Variants in BET1 observed in about 807,000 individuals in gnomAD.
The protein encoded by BET1 is Bet1 golgi vesicular membrane trafficking protein, also known as BET1 homolog.
BET1 carries 9 observed loss-of-function variants against 13.9 expected under a neutral mutation model. That is an observed-to-expected ratio of 0.65 (90% CI 0.39 to 1.13). BET1 has a LOEUF of 1.13. Ranked by LOEUF, BET1 falls within the 50% of genes most tolerant of loss-of-function variation. The probability of loss-of-function intolerance (pLI) is 0.01; values close to 1 mark genes in which losing one functional copy is unlikely to be tolerated. For missense variants in BET1, 127 were observed against 133.6 expected, an observed-to-expected ratio of 0.95 and a Z score of 0.24; for synonymous variants, 39 against 47.3, an observed-to-expected ratio of 0.82 and a Z score of 0.72.
At chr7:93,976,745 T>C (rs1222163038) in intron 4 of BET1, among the ~76,000 whole-genome samples, 2 of 152,168 alleles carry the variant, frequency 1.3e-5, no homozygotes, top group East Asian at 3.9e-4. Context: ...AGTCTTTTAG[T>C]GGTGATTTCT....
At chr7:93,981,620 T>C (rs562051406) in intron 4 of BET1, among the ~76,000 whole-genome samples, 49 of 152,328 alleles carry the variant, frequency 3.2e-4, no homozygotes, top group African/African-American at 1.1e-3. Flanking sequence ...CTGATTCTCA[T>C]ATAAATTCTC....
Position 93,997,261 on chromosome 7 carries a change from C to T in BET1, c.145-940G>A, listed in dbSNP as rs574745039. Among the ~76,000 whole-genome samples, 55 of 152,244 alleles carry T rather than the reference C, an allele frequency of 3.6e-4. 1 individual carries two copies. The highest frequency in any genetic ancestry group is 1.3e-3 in the African/African-American group (53 of 41,576). ...GAAAGCACATGGGATAATACTGATA[C>T]AAAACCATACTAGAATTCTATAGAT... On this transcript the variant is annotated intron_variant, in intron 2 of 3. Transcript: ENST00000222547.
chr7:93,978,518 T>A (rs1795376261), intron 4 of BET1, among the ~76,000 whole-genome samples: 1 of 152,226 alleles, frequency 6.6e-6, no homozygotes. Context: ...TACATTATCA[T>A]ACATTGTTAG....
chr7:93,963,479 A>AT (rs1463955169), exon 7 of BET1: 1 of 152,002 alleles, frequency 6.6e-6, no homozygotes, highest in Non-Finnish European at 1.5e-5. Context: ...TTATTTGTCC[A>AT]TTTTTTGTTC....
At chr7:93,968,767 A>G (rs1295280137) in intron 6 of BET1, among the ~76,000 whole-genome samples, 1 of 151,850 alleles carries the variant, frequency 6.6e-6, no homozygotes, top group Admixed American at 6.6e-5. Context: ...GGGAGAACTT[A>G]TATAAAGTTC....
At chr7:93,965,863 T>G (rs939657823) in intron 6 of BET1, among the ~76,000 whole-genome samples, 1 of 152,046 alleles carries the variant, frequency 6.6e-6, no homozygotes, top group African/African-American at 2.4e-5. Context: ...TGGTGGATAG[T>G]GATAAGAAAA....
chr7:93,991,088 G>C (rs752472198), downstream of BET1, among the ~76,000 whole-genome samples: 3 of 152,016 alleles, frequency 2.0e-5, no homozygotes, highest in Non-Finnish European at 2.9e-5. Flanking sequence ...TCTCCTGCTT[G>C]AACATTTAAC....
intron 6 of BET1, among the ~76,000 whole-genome samples, chr7:93,968,962 C>T (rs1166567413): frequency 6.6e-6 from 1 of 151,868 alleles, no homozygotes; most frequent in African/African-American, 2.4e-5. Flanking sequence ...TTTCTTCTCA[C>T]ATTCTTCCCC....
intron 2 of BET1, among the ~76,000 whole-genome samples, chr7:93,998,701 A>G (rs561975085): frequency 6.6e-6 from 1 of 151,952 alleles, no homozygotes; most frequent in Non-Finnish European, 1.5e-5. Context: ...CTCCATCTCA[A>G]AAAAAAAGAA....
chr7:93,993,773 TATC>T lies in BET1; in HGVS notation c.*454_*456del, dbSNP rs1459933635. 29 of 1,485,254 alleles carry T rather than the reference TATC, an allele frequency of 2.0e-5. No homozygotes were observed. Among genetic ancestry groups the T allele is most frequent in the Non-Finnish European group, 2.5e-5 (28 of 1,126,424 alleles). The allele number at this position is 1,485,254 out of a possible 1,614,324, so 92.0% of individuals were successfully genotyped here. Reference sequence around the variant, plus strand: ...CTAAATAAAGGAGGAGAAGGGAGTATATCATTACAGTTGATGCAGTTAGGAAAA... The same window carrying T: ...CTAAATAAAGGAGGAGAAGGGAGTATATTACAGTTGATGCAGTTAGGAAAA... On this transcript the variant is annotated 3_prime_UTR_variant, in exon 4 of 4. Transcript: ENST00000222547.
At chr7:93,973,841 G>A (rs1362849670) in intron 5 of BET1, among the ~76,000 whole-genome samples, 1 of 152,040 alleles carries the variant, frequency 6.6e-6, no homozygotes, top group Non-Finnish European at 1.5e-5. Context: ...TGTAGCAAAT[G>A]TATCTAACTG....
At chr7:93,991,531 G>T (rs1795633830), downstream of BET1, among the ~76,000 whole-genome samples, 1 of 152,176 alleles carries the variant, frequency 6.6e-6, no homozygotes. Flanking sequence ...ATCGAGTGTG[G>T]TGGGAGATTT....
intron 1 of BET1, among the ~76,000 whole-genome samples, chr7:94,001,735 A>G (rs919002984): frequency 7.3e-5 from 11 of 151,688 alleles, no homozygotes; most frequent in Non-Finnish European, 1.2e-4. Flanking sequence ...ATACTTAAAG[A>G]AAGAATGTCT....
At chr7:93,998,426 C>T (rs1490972090) in intron 2 of BET1, among the ~76,000 whole-genome samples, 1 of 151,462 alleles carries the variant, frequency 6.6e-6, no homozygotes, top group East Asian at 2.0e-4. Flanking sequence ...AGGCCAGGTG[C>T]GGTGGCTCAC....
In BET1 at chr7:93,993,366, TTTTC is replaced by T. The variant is rs1562806011; in HGVS notation, c.*860_*863del. 4 of 967,608 alleles carry T rather than the reference TTTTC, an allele frequency of 4.1e-6. No individual in the cohort carries two copies. The highest frequency in any genetic ancestry group is 4.9e-6 in the Non-Finnish European group (4 of 813,386). The allele number at this position is 967,608 out of a possible 1,614,324, so 59.9% of individuals were successfully genotyped here. ...TTTACTCAACAGTCTGCCTTTGTGTTTTTCTTTCCATAAACAAATACACTGGATT... is the reference window on the plus strand; with the variant it reads ...TTTACTCAACAGTCTGCCTTTGTGTTTTTCCATAAACAAATACACTGGATT... On this transcript the variant is annotated 3_prime_UTR_variant, in exon 4 of 4. Transcript: ENST00000222547.
chr7:93,993,796 G>A lies in BET1; in HGVS notation c.*434C>T. The A allele has an allele frequency of 3.3e-6, 5 of 1,521,984 alleles. No individual in the cohort carries two copies. The highest frequency in any genetic ancestry group is 4.4e-6 in the Non-Finnish European group (5 of 1,141,634). The allele number at this position is 1,521,984 out of a possible 1,614,324, so 94.3% of individuals were successfully genotyped here. The stretch of plus-strand genomic sequence containing the variant: ...TATATCATTACAGTTGATGCAGTTA[G>A]GAAAATTCAATTACCATTTTACCAC... On this transcript the variant is annotated 3_prime_UTR_variant, in exon 4 of 4. Coordinates refer to ENST00000222547, the MANE Select transcript of BET1 (RefSeq NM_005868.6).
At chr7:93,976,993 C>T (rs1028832284) in intron 4 of BET1, among the ~76,000 whole-genome samples, 9 of 152,124 alleles carry the variant, frequency 5.9e-5, no homozygotes, top group Non-Finnish European at 1.0e-4. Flanking sequence ...CAGGTTCCTG[C>T]GAATGCCCTT....
exon 7 of BET1, chr7:93,965,483 A>ATCCAT (rs1235629692): frequency 6.6e-6 from 1 of 152,040 alleles, no homozygotes; most frequent in African/African-American, 2.4e-5. Context: ...CTATTTCTTC[A>ATCCAT]TCCATAATAA....
At chr7:93,964,272 C>T (rs151076014) in exon 7 of BET1, 186 of 152,042 alleles carry the variant, frequency 1.2e-3, no homozygotes, top group African/African-American at 4.2e-3. Context: ...ACCTTCCTTC[C>T]TCCCTTCCCC....
Sources: allele counts gnomAD v4.1 joint callset (sites outside exome capture counted in the v4.1 genomes callset), GRCh38; gene constraint gnomAD v4.1.1; transcripts MANE v1.5; gene names NCBI Gene and HGNC (gene_info 2026-07-23, HGNC 2026-07-21).